SRGAP2C: variants seen among roughly 807,000 people sequenced by gnomAD.
SRGAP2C encodes the protein SLIT-ROBO Rho GTPase-activating protein 2C.
Under a neutral mutation model 25.1 loss-of-function variants are expected in SRGAP2C, and 15 were observed. The observed-to-expected ratio is 0.60, with a 90% CI of 0.40 to 0.92. The LOEUF is 0.92. Ranked by LOEUF, SRGAP2C falls within the 40% of genes least tolerant of loss-of-function variation. The probability of loss-of-function intolerance (pLI) is 0.00; values close to 1 mark genes in which losing one functional copy is unlikely to be tolerated. For synonymous variants in SRGAP2C, 44 were observed against 96.6 expected (o/e 0.46, Z 3.19); for missense variants, 144 against 264.4 (o/e 0.54, Z 3.16).
At chr1:121,230,717 T>C (rs1448941441) in intron 2 of SRGAP2C, among the ~76,000 whole-genome samples, 4 of 149,976 alleles carry the variant, frequency 2.7e-5, no homozygotes, top group Non-Finnish European at 5.9e-5. Context: ...ATCATTCTAC[T>C]ATAAAGACAC....
chr1:121,315,029 C>T (rs1246063005), intron 3 of SRGAP2C: 321,216 of 762,544 alleles, frequency 0.42, 85,122 homozygotes, highest in East Asian at 0.73. Flanking sequence ...TCTTCAGCTT[C>T]TTCAAGGTAT....
intron 2 of SRGAP2C, among the ~76,000 whole-genome samples, chr1:121,267,748 A>G (rs1347422608): frequency 9.1e-6 from 1 of 110,148 alleles, no homozygotes; most frequent in East Asian, 2.5e-4. Flanking sequence ...TACATTGTGA[A>G]TCCTTTTGTA....
At chr1:121,304,210 C>CAAAAAAA (rs1174072520) in intron 3 of SRGAP2C, among the ~76,000 whole-genome samples, 1 of 21,382 alleles carries the variant, frequency 4.7e-5, no homozygotes, top group Non-Finnish European at 8.7e-5. Flanking sequence ...GACTCCATAT[C>CAAAAAAA]AAAAAAAAAA....
chr1:121,328,206 C>A (rs1320813292), intron 4 of SRGAP2C, among the ~76,000 whole-genome samples: 41 of 152,098 alleles, frequency 2.7e-4, no homozygotes, highest in Admixed American at 2.6e-3. Context: ...AAATTGGGAT[C>A]CAAATACATA....
chr1:121,196,949 T>C (rs1178971025), intron 2 of SRGAP2C, among the ~76,000 whole-genome samples: 4 of 151,432 alleles, frequency 2.6e-5, no homozygotes, highest in Admixed American at 6.6e-5. Context: ...TAAAAACTCA[T>C]TTTTTTTTGC....
intron 5 of SRGAP2C, among the ~76,000 whole-genome samples, chr1:121,372,215 T>C (rs587601975): frequency 1.1e-4 from 16 of 152,248 alleles, no homozygotes; most frequent in African/African-American, 3.9e-4. Context: ...GTATTCTTTA[T>C]TCTTTCGTCT....
At chr1:121,266,022 C>A (rs1553334231) in intron 2 of SRGAP2C, among the ~76,000 whole-genome samples, 1 of 151,918 alleles carries the variant, frequency 6.6e-6, no homozygotes, top group Non-Finnish European at 1.5e-5. Context: ...GTTGCCCAGG[C>A]TGGATACAAT....
rs1273860506 is a variant in SRGAP2C, at chr1:121,391,230, G to T, written c.*3375G>T. 1.3e-5 allele frequency: 2 copies of T among 151,636 alleles called. No individual in the cohort carries two copies. Among genetic ancestry groups the T allele is most frequent in the Non-Finnish European group, 2.9e-5 (2 of 67,940 alleles). The allele number at this position is 151,636 out of a possible 1,614,324, so 9.4% of individuals were successfully genotyped here. ...AAAAAAATTAGCTGGGCGTGGTGGCGCATGCCTCATTCACGTACATGGGAG... is the reference window on the plus strand; with the variant it reads ...AAAAAAATTAGCTGGGCGTGGTGGCTCATGCCTCATTCACGTACATGGGAG... On this transcript the variant is annotated 3_prime_UTR_variant, in exon 10 of 10. Coordinates refer to ENST00000367123, the MANE Select transcript of SRGAP2C (RefSeq NM_001329984.2).
intron 3 of SRGAP2C, among the ~76,000 whole-genome samples, chr1:121,303,549 A>T (rs1396149736): frequency 6.6e-6 from 1 of 150,620 alleles, no homozygotes; most frequent in East Asian, 2.0e-4. Flanking sequence ...GGTTGCTTTT[A>T]GTGGGAAATG....
chr1:121,191,263 G>C (rs1335497045), intron 2 of SRGAP2C, among the ~76,000 whole-genome samples: 3 of 151,916 alleles, frequency 2.0e-5, no homozygotes, highest in Admixed American at 2.0e-4. Context: ...GATAAATAAT[G>C]GTGTGGTATT....
chr1:121,221,833 A>G (rs1655531933), intron 2 of SRGAP2C, among the ~76,000 whole-genome samples: 2 of 148,302 alleles, frequency 1.3e-5, no homozygotes, highest in Admixed American at 1.3e-4. Context: ...AGTGCTTTTG[A>G]GCATGTCTGT....
rs1656065812 is a variant in SRGAP2C at position 121,239,282 on chromosome 1, C to CTATATATATATATATACTA, written c.68-45505_68-45504insCTATATATATATATATATA. Among the ~76,000 whole-genome samples, 3 of 1,724 alleles carry CTATATATATATATATACTA rather than the reference C, an allele frequency of 1.7e-3. 1 individual carries two copies. Among genetic ancestry groups the CTATATATATATATATACTA allele is most frequent in the Non-Finnish European group, 2.4e-3 (3 of 1,232 alleles). The allele number at this position is 1,724 out of a possible 152,430, so 1.1% of individuals were successfully genotyped here. A position where few individuals can be genotyped will look rare whatever the true frequency, so the allele number is the denominator to read the frequency against. ...TATATATATACTATATATATATATA[C>CTATATATATATATATACTA]TATATATATATATATATACATGCAA... On this transcript the variant is annotated intron_variant, in intron 2 of 9. Transcript: ENST00000367123.
rs587762190 is a variant in SRGAP2C at position 121,268,052 on chromosome 1, G to A, written c.68-16751G>A. On this transcript the variant is annotated intron_variant, in intron 2 of 9. Coordinates refer to ENST00000367123, the MANE Select transcript of SRGAP2C (RefSeq NM_001329984.2). Reference sequence around the variant, plus strand: ...ACTCTATGTGAGGCACTGTGGCATCGGGGATCAGCAGGGAACAAAGTGAAG... The same window carrying A: ...ACTCTATGTGAGGCACTGTGGCATCAGGGATCAGCAGGGAACAAAGTGAAG... Among the ~76,000 whole-genome samples the A allele has an allele frequency of 1.1e-3, 154 of 144,196 alleles. 3 individuals carry two copies. In the Middle Eastern group the frequency reaches 0.018, roughly 17 times the overall value. The allele number at this position is 144,196 out of a possible 152,430, so 94.6% of individuals were successfully genotyped here. A position where few individuals can be genotyped will look rare whatever the true frequency, so the allele number is the denominator to read the frequency against.
chr1:121,312,271 T>G (rs1657981248), intron 3 of SRGAP2C, among the ~76,000 whole-genome samples: 1 of 46,252 alleles, frequency 2.2e-5, no homozygotes, highest in Non-Finnish European at 4.4e-5. Context: ...AGTGGTGATA[T>G]CCCCTTTATC....
chr1:121,371,622 G>GT (rs1437476913), intron 5 of SRGAP2C, among the ~76,000 whole-genome samples: 1 of 11,830 alleles, frequency 8.5e-5, no homozygotes, highest in Non-Finnish European at 1.8e-4. Context: ...AGAATGTATA[G>GT]TTTCTTAGGC....
intron 4 of SRGAP2C, among the ~76,000 whole-genome samples, chr1:121,329,323 T>A (rs2101615725): frequency 6.6e-6 from 1 of 151,888 alleles, no homozygotes; most frequent in East Asian, 1.9e-4. Flanking sequence ...ATTAGGATTC[T>A]CTAAGTATGT....
chr1:121,332,573 C>A (rs1360177859), intron 4 of SRGAP2C, among the ~76,000 whole-genome samples: 34 of 152,070 alleles, frequency 2.2e-4, no homozygotes, highest in Non-Finnish European at 3.7e-4. Context: ...TAAACATGTC[C>A]TTTTGCCATT....
At chr1:121,266,510 A>G (rs1228979996) in intron 2 of SRGAP2C, among the ~76,000 whole-genome samples, 3 of 151,544 alleles carry the variant, frequency 2.0e-5, no homozygotes, top group African/African-American at 7.3e-5. Context: ...ATAATTGGGA[A>G]AACAATAAGG....
At position 121,272,458 on chromosome 1, in the gene SRGAP2C, G is replaced by A. The variant is rs587691596; in HGVS notation, c.68-12345G>A. Among the ~76,000 whole-genome samples the A allele has an allele frequency of 5.3e-5, 8 of 151,682 alleles. No individual in the cohort carries two copies. In the South Asian group the frequency reaches 1.2e-3, roughly 24 times the overall value. ...GATAGCATCTCTAGATGATGGCATG[G>A]ACTTTTTCCTGCTATTGCCTTCAAG... is the stretch of plus-strand genomic sequence containing the variant. On this transcript the variant is annotated intron_variant, in intron 2 of 9. Transcript: ENST00000367123.
Sources: gnomAD v4.1 joint callset for allele counts (sites outside exome capture counted in the v4.1 genomes callset) on GRCh38, gnomAD v4.1.1 for gene constraint, MANE v1.5 for transcripts, NCBI Gene and HGNC (gene_info 2026-07-23, HGNC 2026-07-21) for gene names.